SLC8A1: variants seen among roughly 807,000 people sequenced by gnomAD.
SLC8A1 encodes the protein solute carrier family 8 member A1.
A neutral mutation model predicts 68.3 loss-of-function variants in SLC8A1; 18 were observed. The observed-to-expected ratio is 0.26, with a 90% CI of 0.18 to 0.39. SLC8A1 has a LOEUF of 0.39. Ranked by LOEUF, SLC8A1 falls within the 10% of genes least tolerant of loss-of-function variation. SLC8A1 has a pLI of 1.00. For synonymous variants in SLC8A1, 475 were observed against 415.5 expected (o/e 1.14, Z -1.74); for missense variants, 985 against 1,156.7 (o/e 0.85, Z 2.15).
At chr2:40,133,399 G>T (rs975157247) in intron 7 of SLC8A1, among the ~76,000 whole-genome samples, 2 of 151,436 alleles carry the variant, frequency 1.3e-5, no homozygotes, top group South Asian at 2.1e-4. Context: ...ATTGGGGGGG[G>T]GGGGGGTGGA....
At chr2:40,225,922 A>C (rs2058920234) in intron 2 of SLC8A1, among the ~76,000 whole-genome samples, 1 of 152,148 alleles carries the variant, frequency 6.6e-6, no homozygotes. Context: ...CTATTTATAC[A>C]CTGCTTTGCA....
At chr2:40,128,079 GA>G (rs1227626068) in intron 7 of SLC8A1, among the ~76,000 whole-genome samples, 4 of 152,210 alleles carry the variant, frequency 2.6e-5, no homozygotes, top group Admixed American at 6.5e-5. Flanking sequence ...GTGTGCCGAG[GA>G]GCAGTGATGG....
intron 2 of SLC8A1, chr2:40,195,939 G>A (rs1259688268): frequency 6.6e-6 from 1 of 152,026 alleles, no homozygotes; most frequent in African/African-American, 2.4e-5. Context: ...TGGTAAGAGT[G>A]TAAAAGAGTA....
intron 7 of SLC8A1, among the ~76,000 whole-genome samples, chr2:40,131,979 T>C (rs2039467280): frequency 6.7e-6 from 1 of 150,270 alleles, no homozygotes; most frequent in Non-Finnish European, 1.5e-5. Flanking sequence ...TAGAACTGGA[T>C]CTTGATTCAT....
At chr2:40,373,709 C>T (rs999289162) in intron 2 of SLC8A1, among the ~76,000 whole-genome samples, 1 of 152,052 alleles carries the variant, frequency 6.6e-6, no homozygotes, top group African/African-American at 2.4e-5. Context: ...TCAGAATTCC[C>T]ACTTTTTCCT....
At chr2:40,277,115 T>TA (rs1039075316) in intron 2 of SLC8A1, among the ~76,000 whole-genome samples, 41 of 152,276 alleles carry the variant, frequency 2.7e-4, no homozygotes, top group Non-Finnish European at 5.6e-4. Context: ...GTTACTATAA[T>TA]AAAAACCATA....
At chr2:40,349,645 G>T (rs1312602052) in intron 2 of SLC8A1, among the ~76,000 whole-genome samples, 1 of 152,154 alleles carries the variant, frequency 6.6e-6, no homozygotes, top group East Asian at 1.9e-4. Context: ...ACAGTGCCTG[G>T]CATGTAAGAA....
intron 4 of SLC8A1, among the ~76,000 whole-genome samples, chr2:40,169,415 G>C (rs558694449): frequency 6.6e-6 from 1 of 152,242 alleles, no homozygotes; most frequent in East Asian, 1.9e-4. Flanking sequence ...TCTTTGATTG[G>C]AGGCTAAAGT....
chr2:40,111,864 A>C (rs1234873492), exon 8 of SLC8A1: 1 of 152,154 alleles, frequency 6.6e-6, no homozygotes, highest in Non-Finnish European at 1.5e-5. Context: ...AATACTCTGC[A>C]TGCTAAAAAG....
chr2:40,438,735 G>A (rs1440549664), intron 1 of SLC8A1, among the ~76,000 whole-genome samples: 2 of 152,094 alleles, frequency 1.3e-5, no homozygotes, highest in Admixed American at 1.3e-4. Flanking sequence ...AGAATCACCT[G>A]GCAAACTAAT....
chr2:40,359,204 G>A (rs10208527), intron 2 of SLC8A1, among the ~76,000 whole-genome samples: 1 of 152,026 alleles, frequency 6.6e-6, no homozygotes, highest in Admixed American at 6.6e-5. Context: ...ACTTTATTTT[G>A]AAGACTGTGA....
At chr2:40,344,667 G>A (rs1421555055) in intron 2 of SLC8A1, among the ~76,000 whole-genome samples, 1 of 152,172 alleles carries the variant, frequency 6.6e-6, no homozygotes. Context: ...AATTCACAGA[G>A]CTTCAGGTCT....
At chr2:40,435,597 A>T (rs563910699) in intron 1 of SLC8A1, among the ~76,000 whole-genome samples, 1 of 152,268 alleles carries the variant, frequency 6.6e-6, no homozygotes, top group Admixed American at 6.5e-5. Flanking sequence ...CCCCTGCCTT[A>T]TGACCAAAAA....
At chr2:40,510,675 A>G (rs1706663767) in intron 1 of SLC8A1, among the ~76,000 whole-genome samples, 1 of 152,194 alleles carries the variant, frequency 6.6e-6, no homozygotes. Context: ...TTAGTTTAAA[A>G]AAAGAAGGCA....
chr2:40,289,079 C>G (rs915626780), intron 2 of SLC8A1, among the ~76,000 whole-genome samples: 13 of 151,304 alleles, frequency 8.6e-5, no homozygotes, highest in African/African-American at 2.9e-4. Flanking sequence ...AAATGTAATG[C>G]TAAAATACGA....
chr2:40,255,162 G>A (rs995921803), intron 2 of SLC8A1: 1 of 152,070 alleles, frequency 6.6e-6, no homozygotes, highest in Admixed American at 6.5e-5. Flanking sequence ...GTGAGAGCAT[G>A]TTAACATGAC....
intron 7 of SLC8A1, among the ~76,000 whole-genome samples, chr2:40,124,113 C>T (rs1449125698): frequency 6.6e-6 from 1 of 152,194 alleles, no homozygotes; most frequent in Non-Finnish European, 1.5e-5. Context: ...CTTGCTAGAG[C>T]TAGCTGAGAA....
At chr2:40,489,588 GGAGTA>G (rs1330234287) in intron 1 of SLC8A1, among the ~76,000 whole-genome samples, 1 of 152,072 alleles carries the variant, frequency 6.6e-6, no homozygotes, top group Admixed American at 6.6e-5. Flanking sequence ...TATTAGAAGG[GGAGTA>G]GAGTAGAGTT....
exon 2 of SLC8A1, chr2:40,429,807 G>A (rs878930487): frequency 6.2e-7 from 1 of 1,613,670 alleles, no homozygotes; most frequent in Non-Finnish European, 8.5e-7. Flanking sequence ...TGAAGTTATG[G>A]CCACACACTT....
Sources: allele counts gnomAD v4.1 joint callset (sites outside exome capture counted in the v4.1 genomes callset), GRCh38; gene constraint gnomAD v4.1.1; transcripts MANE v1.5; gene names NCBI Gene and HGNC (gene_info 2026-07-23, HGNC 2026-07-21).